The following CIMIP5 variants were observed in gnomAD, a reference collection of about 807,000 sequenced individuals.
CIMIP5 encodes ciliary microtubule inner protein 5, also known as uncharacterized protein C2orf50.
the CIMIP5 span, chr2:11,133,301 G>A: frequency 4.1e-6 from 6 of 1,471,442 alleles, no homozygotes; most frequent in Non-Finnish European, 5.3e-6. Flanking sequence ...CTCTCTCTCT[G>A]ACACAAGCGC....
At chr2:11,133,676 G>A in the CIMIP5 span, 23 of 1,513,054 alleles carry the variant, frequency 1.5e-5, no homozygotes, top group South Asian at 1.0e-4. Context: ...GAGATGGGAG[G>A]GCAAATGATC....
the CIMIP5 span, among the ~76,000 whole-genome samples, chr2:11,149,798 C>T: frequency 2.0e-5 from 3 of 152,054 alleles, no homozygotes; most frequent in South Asian, 2.1e-4. Flanking sequence ...TGATTCAGCC[C>T]GTGATCCTTG....
chr2:11,144,231 G>A, the CIMIP5 span: 1 of 767,270 alleles, frequency 1.3e-6, no homozygotes, highest in Non-Finnish European at 2.0e-6. Flanking sequence ...CTGTCTGTAA[G>A]CTGCAGGACA....
At chr2:11,149,804 C>T in the CIMIP5 span, among the ~76,000 whole-genome samples, 6 of 152,114 alleles carry the variant, frequency 3.9e-5, no homozygotes, top group African/African-American at 1.2e-4. Flanking sequence ...AGCCCGTGAT[C>T]CTTGACTGGA....
At chr2:11,134,677 T>C in the CIMIP5 span, among the ~76,000 whole-genome samples, 1 of 152,242 alleles carries the variant, frequency 6.6e-6, no homozygotes, top group Non-Finnish European at 1.5e-5. Context: ...TGAATGTATA[T>C]ATGTGTGCAG....
the CIMIP5 span, among the ~76,000 whole-genome samples, chr2:11,135,196 G>A: frequency 6.6e-6 from 1 of 152,158 alleles, no homozygotes; most frequent in African/African-American, 2.4e-5. Context: ...GAGATTTGGA[G>A]AGAACAAACA....
the CIMIP5 span, among the ~76,000 whole-genome samples, chr2:11,143,586 T>C: frequency 6.8e-6 from 1 of 146,410 alleles, no homozygotes; most frequent in Non-Finnish European, 1.5e-5. Context: ...AAAAAAAAAA[T>C]CAAAACCTCC....
chr2:11,140,104 A>G, the CIMIP5 span, among the ~76,000 whole-genome samples: 1 of 136,460 alleles, frequency 7.3e-6, no homozygotes, highest in Non-Finnish European at 1.6e-5. Context: ...AAAAAAAAAA[A>G]AGGCTGGGCG....
the CIMIP5 span, chr2:11,145,008 G>C: frequency 0.16 from 24,663 of 151,820 alleles, 5,789 homozygotes; most frequent in African/African-American, 0.52. Flanking sequence ...ATTCCAGACA[G>C]AGTCTCGCAC....
the CIMIP5 span, chr2:11,140,457 G>A: frequency 7.3e-7 from 1 of 1,377,342 alleles, no homozygotes; most frequent in South Asian, 1.4e-5. Context: ...GAAAGTCATT[G>A]GTAAAAATGT....
At chr2:11,135,982 G>T in the CIMIP5 span, among the ~76,000 whole-genome samples, 2 of 152,082 alleles carry the variant, frequency 1.3e-5, no homozygotes, top group Non-Finnish European at 2.9e-5. Context: ...GGGTTATTTG[G>T]TTTGGTGCTA....
At chr2:11,145,852 A>C in the CIMIP5 span, 16 of 152,250 alleles carry the variant, frequency 1.1e-4, no homozygotes, top group African/African-American at 3.6e-4. Flanking sequence ...CTGACACACA[A>C]ACAAAATAAA....
chr2:11,148,430 A>T, the CIMIP5 span, among the ~76,000 whole-genome samples: 1 of 151,736 alleles, frequency 6.6e-6, no homozygotes, highest in Non-Finnish European at 1.5e-5. Flanking sequence ...TTTCCACATG[A>T]TAAAAAATGA....
the CIMIP5 span, chr2:11,145,629 C>T: frequency 4.6e-5 from 7 of 152,204 alleles, no homozygotes; most frequent in Non-Finnish European, 1.0e-4. Flanking sequence ...GAGCCATGGC[C>T]AGTGGAATGG....
chr2:11,134,756 A>G, the CIMIP5 span, among the ~76,000 whole-genome samples: 5 of 152,226 alleles, frequency 3.3e-5, no homozygotes, highest in Non-Finnish European at 7.3e-5. Flanking sequence ...TAGTGCTACA[A>G]TGGGCATGGG....
the CIMIP5 span, among the ~76,000 whole-genome samples, chr2:11,142,394 A>AT: frequency 1.3e-5 from 2 of 152,012 alleles, no homozygotes; most frequent in Non-Finnish European, 2.9e-5. Context: ...TAATGCCTGC[A>AT]TTGTGGACCT....
the CIMIP5 span, among the ~76,000 whole-genome samples, chr2:11,134,961 A>T: frequency 6.6e-6 from 1 of 152,226 alleles, no homozygotes; most frequent in Non-Finnish European, 1.5e-5. Context: ...CAATAATGGC[A>T]GAAGGTGAAG....
At chr2:11,142,335 C>T in the CIMIP5 span, among the ~76,000 whole-genome samples, 20 of 151,404 alleles carry the variant, frequency 1.3e-4, no homozygotes, top group South Asian at 3.3e-3. Context: ...GAAAGTCACT[C>T]GAGGGGGTGG....
At chr2:11,150,663 G>T in the CIMIP5 span, among the ~76,000 whole-genome samples, 9 of 151,832 alleles carry the variant, frequency 5.9e-5, no homozygotes, top group African/African-American at 2.2e-4. Flanking sequence ...ATGAAGGTGG[G>T]GGAATGGCCA....
Sources: gnomAD v4.1 joint callset for allele counts (sites outside exome capture counted in the v4.1 genomes callset) on GRCh38, gnomAD v4.1.1 for gene constraint, MANE v1.5 for transcripts, NCBI Gene and HGNC (gene_info 2026-07-23, HGNC 2026-07-21) for gene names.